CORO2B: variants seen among roughly 807,000 people sequenced by gnomAD.
CORO2B encodes coronin-2B.
Under a neutral mutation model 58.8 loss-of-function variants are expected in CORO2B, and 26 were observed. The observed-to-expected ratio is 0.44, with a 90% CI of 0.32 to 0.61. The LOEUF is 0.61. Among genes scored for constraint, CORO2B ranks in the 20% least tolerant of loss-of-function variants. CORO2B has a pLI of 0.04. For missense variants in CORO2B, 460 were observed against 645.1 expected (o/e 0.71, Z 3.11); for synonymous variants, 242 against 253.8 (o/e 0.95, Z 0.44).
intron 11 of CORO2B, among the ~76,000 whole-genome samples, chr15:68,724,707 A>C (rs973481990): frequency 6.6e-6 from 1 of 152,244 alleles, no homozygotes; most frequent in African/African-American, 2.4e-5. Context: ...AATTTATATT[A>C]TATTTCATTA....
At chr15:68,652,613 G>A (rs1181924696) in intron 2 of CORO2B, among the ~76,000 whole-genome samples, 1 of 152,320 alleles carries the variant, frequency 6.6e-6, no homozygotes, top group East Asian at 1.9e-4. Context: ...TGTACACCGG[G>A]TCTCTGGGGC....
At chr15:68,670,606 A>G (rs1474052221) in intron 2 of CORO2B, among the ~76,000 whole-genome samples, 1 of 152,266 alleles carries the variant, frequency 6.6e-6, no homozygotes, top group Non-Finnish European at 1.5e-5. Context: ...ATAAATTATT[A>G]AGAAAAAGAT....
In CORO2B at chr15:68,724,001, A is replaced by C. The variant is rs1320769499; in HGVS notation, c.1312-1842A>C. Among the ~76,000 whole-genome samples, 7 of 151,814 alleles carry C rather than the reference A, an allele frequency of 4.6e-5. No individual in the cohort carries two copies. The East Asian group carries it at 1.4e-3, about 30-fold the overall frequency. On this transcript the variant is annotated intron_variant, in intron 11 of 11. Transcript: ENST00000261861. The stretch of plus-strand genomic sequence containing the variant: ...TGGATCACTTGAGGCCAGGAGTTCA[A>C]GACCAGCCTGGCCAACATGGTGAAA...
intron 1 of CORO2B, among the ~76,000 whole-genome samples, chr15:68,605,871 C>T (rs1900107031): frequency 6.6e-6 from 1 of 151,810 alleles, no homozygotes; most frequent in African/African-American, 2.4e-5. Context: ...ATTACAGGCA[C>T]CCGCCACCAC....
chr15:68,642,269 C>T (rs77957214), intron 1 of CORO2B, among the ~76,000 whole-genome samples: 1,700 of 152,156 alleles, frequency 0.011, 11 homozygotes, highest in Non-Finnish European at 0.016. Context: ...AGTCACACAG[C>T]AGGGTTGGGA....
chr15:68,536,436 A>G, the CORO2B span, among the ~76,000 whole-genome samples: 1 of 152,228 alleles, frequency 6.6e-6, no homozygotes, highest in Non-Finnish European at 1.5e-5. Context: ...TAATTCTAGA[A>G]CCTTAGCCAA....
the CORO2B span, among the ~76,000 whole-genome samples, chr15:68,522,062 G>C: frequency 1.3e-5 from 2 of 152,124 alleles, no homozygotes; most frequent in African/African-American, 4.8e-5. Context: ...TCCCACCTCA[G>C]TCTCCCAAAG....
At chr15:68,524,876 C>T in the CORO2B span, among the ~76,000 whole-genome samples, 1 of 152,212 alleles carries the variant, frequency 6.6e-6, no homozygotes, top group South Asian at 2.1e-4. Flanking sequence ...AGCAGCTGAT[C>T]AGAGGCAGAG....
At chr15:68,554,077 G>C in the CORO2B span, among the ~76,000 whole-genome samples, 1 of 152,176 alleles carries the variant, frequency 6.6e-6, no homozygotes, top group Non-Finnish European at 1.5e-5. Flanking sequence ...AGACAGGTTG[G>C]AGAGGCGGTG....
intron 2 of CORO2B, among the ~76,000 whole-genome samples, chr15:68,669,093 AGGAAGGAAGGAAGGAAGGAG>A (rs1260180486): frequency 6.6e-6 from 1 of 150,594 alleles, no homozygotes; most frequent in Admixed American, 6.6e-5. Flanking sequence ...GAGAGAAAGA[AGGAAGGAAGGAAGGAAGGAG>A]GGAAGGAAGG....
At chr15:68,718,228 T>A (rs567848815) in intron 8 of CORO2B, among the ~76,000 whole-genome samples, 1 of 152,248 alleles carries the variant, frequency 6.6e-6, no homozygotes, top group Admixed American at 6.5e-5. Context: ...CGTCCAGACC[T>A]CTAGGGTGTA....
the CORO2B span, among the ~76,000 whole-genome samples, chr15:68,571,724 G>A: frequency 6.6e-6 from 1 of 152,282 alleles, no homozygotes; most frequent in African/African-American, 2.4e-5. Flanking sequence ...AGCTGTAACC[G>A]GTAACCTGGG....
rs77193594 is a variant in CORO2B, at chr15:68,612,941, C to T, written c.16-32219C>T. ...TGGAACAACTTTCTGGAGTTCCTTT[C>T]CCAGGTCCAGGACATCAGAGCCATT... On this transcript the variant is annotated intron_variant, in intron 1 of 11. Coordinates refer to ENST00000261861, the MANE Select transcript of CORO2B (RefSeq NM_006091.5). Among the ~76,000 whole-genome samples, 44 of 152,270 alleles carry T rather than the reference C, an allele frequency of 2.9e-4. No individual in the cohort carries two copies. The East Asian group carries it at 5.8e-3, about 20-fold the overall frequency.
rs1187866784 is a variant in CORO2B, at chr15:68,715,243, T to C, written c.899T>C (p.Ile300Thr). Residue 300 changes from isoleucine (I) to threonine (T), a missense_variant, in exon 8 of 12, where the codon ATC becomes ACC. Physicochemically the swap from Ile to Thr is moderately conservative, Grantham distance 89. Around this residue, in one of 2 missense-constraint regions of CORO2B, gnomAD observed 352 missense variants for 543.0 expected, o/e 0.65. Transcript: ENST00000261861. Reference sequence around the variant, plus strand: ...GATGGAAACATCCGGTACTACGAGATCAGCACTGAGAAGCCCTACCTGAGT... The same window carrying C: ...GATGGAAACATCCGGTACTACGAGACCAGCACTGAGAAGCCCTACCTGAGT... ...KGDGNIRYYE[I>T]STEKPYLSYL... The C allele has an allele frequency of 6.2e-7, 1 of 1,613,964 alleles. No individual in the cohort carries two copies. The highest frequency in any genetic ancestry group is 1.7e-5 in the Admixed American group (1 of 60,002).
At chr15:68,725,484 A>G (rs1277355174) in intron 11 of CORO2B, among the ~76,000 whole-genome samples, 3 of 152,078 alleles carry the variant, frequency 2.0e-5, no homozygotes, top group South Asian at 2.1e-4. Context: ...TTATAGATGT[A>G]ATAATACATC....
At chr15:68,563,482 G>A in the CORO2B span, among the ~76,000 whole-genome samples, 6 of 85,456 alleles carry the variant, frequency 7.0e-5, no homozygotes, top group Admixed American at 1.5e-4. Flanking sequence ...GTGAAATTCT[G>A]TCTTTAAAAA....
chr15:68,643,922 A>T (rs1395479672), intron 1 of CORO2B, among the ~76,000 whole-genome samples: 1 of 152,122 alleles, frequency 6.6e-6, no homozygotes, highest in African/African-American at 2.4e-5. Flanking sequence ...CTGTAATCCC[A>T]GCTACTCAGG....
intron 1 of CORO2B, among the ~76,000 whole-genome samples, chr15:68,592,976 T>C (rs534362619): frequency 1.3e-5 from 2 of 152,240 alleles, no homozygotes; most frequent in Non-Finnish European, 2.9e-5. Flanking sequence ...ATTTGGCTCA[T>C]GGTTCTAGAG....
At chr15:68,705,067 A>G (rs1273884256) in intron 3 of CORO2B, among the ~76,000 whole-genome samples, 1 of 152,158 alleles carries the variant, frequency 6.6e-6, no homozygotes, top group Non-Finnish European at 1.5e-5. Context: ...TGAGCTCTGT[A>G]GCATGTGGTG....
Sources: gnomAD v4.1 joint callset for allele counts (sites outside exome capture counted in the v4.1 genomes callset) on GRCh38, gnomAD v4.1.1 for gene constraint, gnomAD v4.1.1 regional missense constraint, MANE v1.5 for transcripts, NCBI Gene and HGNC (gene_info 2026-07-23, HGNC 2026-07-21) for gene names.